Variants in IARS1 observed in about 807,000 individuals in gnomAD.
IARS1 encodes the protein isoleucyl-tRNA synthetase 1.
IARS1 carries 124 observed loss-of-function variants against 168.2 expected under a neutral mutation model. The ratio of observed to expected loss-of-function variants is 0.74; its 90% confidence interval spans 0.64 to 0.86. The LOEUF (loss-of-function observed/expected upper bound fraction) is 0.86, where lower values mean the gene tolerates loss of function less well. Among genes scored for constraint, IARS1 ranks in the 40% least tolerant of loss-of-function variants. The pLI, the probability that IARS1 is intolerant of heterozygous loss-of-function variation, is 0.00. For missense variants in IARS1, 1,452 were observed against 1,515.8 expected, an observed-to-expected ratio of 0.96 and a Z score of 0.70; for synonymous variants, 532 against 529.4, an observed-to-expected ratio of 1.00 and a Z score of -0.07.
chr9:92,214,778 C>T (rs1443725660), intron 33 of IARS1, among the ~76,000 whole-genome samples: 4 of 152,274 alleles, frequency 2.6e-5, no homozygotes, highest in East Asian at 1.9e-4. Flanking sequence ...CCTACGCCCA[C>T]GGAGTCTCGC....
Position 92,250,203 on chromosome 9 carries a change from T to C in IARS1, c.2516A>G (p.Lys839Arg). The C allele has an allele frequency of 6.2e-7, 1 of 1,607,114 alleles. No homozygotes were observed. Among genetic ancestry groups the C allele is most frequent in the Non-Finnish European group, 8.5e-7 (1 of 1,173,620 alleles). The change falls in exon 24 of 34, where the codon AAA becomes AGA. Residue 839 changes from lysine (K) to arginine (R), a missense_variant. By Grantham distance (26) the Lys-to-Arg change is conservative. Coordinates refer to ENST00000443024, the MANE Select transcript of IARS1 (RefSeq NM_002161.6). ...IELGRVIRDRKTIPIKYPLKE... is the reference protein window; with the variant it reads ...IELGRVIRDRRTIPIKYPLKE... ...ATTTCAAACCTTTATGGGAATAGTT[T>C]TTCGGTCTCTGATCACTCTTCCAAG...
chr9:92,268,213 G>A lies in IARS1; in HGVS notation c.1392C>T (p.Gly464=). The A allele has an allele frequency of 2.5e-6, 4 of 1,610,554 alleles. No individual in the cohort carries two copies. Among genetic ancestry groups the A allele is most frequent in the Non-Finnish European group, 3.4e-6 (4 of 1,179,108 alleles). The change falls in exon 14 of 34, where the codon GGC becomes GGT. Residue 464 remains glycine, a synonymous_variant. Coordinates refer to ENST00000443024, the MANE Select transcript of IARS1 (RefSeq NM_002161.6). ...CGCTGACCCACAGTGGGATGGGGGT[G>A]CCCCAGTATCTGTTTCTGGAAATTG... is the stretch of plus-strand genomic sequence containing the variant. ...DWTISRNRYW[G]TPIPLWVSDD...
intron 30 of IARS1, among the ~76,000 whole-genome samples, chr9:92,229,987 C>T (rs984841172): frequency 1.3e-5 from 2 of 150,540 alleles, no homozygotes; most frequent in African/African-American, 2.4e-5. Context: ...CAGGCCCATT[C>T]CCTCCTTAAT....
chr9:92,244,719 C>T (rs1275315827), intron 27 of IARS1, among the ~76,000 whole-genome samples: 1 of 152,176 alleles, frequency 6.6e-6, no homozygotes, highest in Non-Finnish European at 1.5e-5. Context: ...CAACCCCACA[C>T]TTGGGACAAT....
chr9:92,253,750 C>A, intron 20 of IARS1: 1 of 513,698 alleles, frequency 1.9e-6, no homozygotes, highest in East Asian at 5.0e-5. Flanking sequence ...AAGTCCAAGA[C>A]TGCCCACTAC....
intron 31 of IARS1, among the ~76,000 whole-genome samples, chr9:92,228,072 G>A (rs1390950369): frequency 3.9e-5 from 6 of 152,166 alleles, no homozygotes; most frequent in African/African-American, 1.2e-4. Context: ...ACGAGACTCC[G>A]TCTGCAATCC....
At chr9:92,239,859 GT>G (rs1421206921) in intron 30 of IARS1, among the ~76,000 whole-genome samples, 1 of 152,122 alleles carries the variant, frequency 6.6e-6, no homozygotes, top group East Asian at 1.9e-4. Context: ...TGGGGCCATA[GT>G]TTTTTCTATG....
At chr9:92,223,260 G>T in intron 32 of IARS1, 86 bp downstream of exon 32, 1 of 1,278,398 alleles carries the variant, frequency 7.8e-7, no homozygotes, top group South Asian at 1.9e-5. Context: ...CTTTGAAGCC[G>T]ACTAGAAATA....
intron 30 of IARS1, among the ~76,000 whole-genome samples, chr9:92,237,840 T>A (rs1200070713): frequency 6.6e-6 from 1 of 152,202 alleles, no homozygotes; most frequent in African/African-American, 2.4e-5. Context: ...ATCATTATAT[T>A]AGAAGTTTGT....
At chr9:92,223,642 C>T (rs1825168447) in intron 31 of IARS1, among the ~76,000 whole-genome samples, 153 bp from the exon 32 acceptor site, 1 of 152,210 alleles carries the variant, frequency 6.6e-6, no homozygotes, top group Admixed American at 6.5e-5. Context: ...TTCTATAAAA[C>T]CAGCCTTTAA....
Position 92,278,246 on chromosome 9 carries a change from T to C in IARS1, c.786A>G (p.Arg262=), listed in dbSNP as rs772831647. Residue 262 remains arginine (R), a synonymous_variant, in exon 8 of 34, where the codon AGA becomes AGG. Coordinates refer to ENST00000443024, the MANE Select transcript of IARS1 (RefSeq NM_002161.6). ...TCTCCAATTTATAGAGGGCTGACAA[T>C]CTGGCTTCCATTAAAATGAGTAATC... The part of the protein sequence containing the change: ...RGRLLILMEA[R]LSALYKLESD... The C allele has an allele frequency of 5.0e-6, 8 of 1,612,894 alleles. No homozygotes were observed. In the East Asian group the frequency reaches 1.8e-4, roughly 36 times the overall value.
intron 20 of IARS1, among the ~76,000 whole-genome samples, chr9:92,255,204 C>G (rs1220847411): frequency 6.6e-6 from 1 of 152,194 alleles, no homozygotes; most frequent in African/African-American, 2.4e-5. Flanking sequence ...GTGGACAAAT[C>G]CTGTAGCAGT....
intron 20 of IARS1, 62 bp downstream of exon 20, chr9:92,256,618 A>G: frequency 2.0e-6 from 3 of 1,471,128 alleles, no homozygotes; most frequent in South Asian, 1.3e-5. Context: ...ATTAAATATC[A>G]AAAGGGCAGT....
rs764040984 is a variant in IARS1 at position 92,240,839 on chromosome 9, A to C, written c.3283+17T>G. On this transcript the variant is annotated intron_variant, in intron 30 of 33. Coordinates refer to ENST00000443024, the MANE Select transcript of IARS1 (RefSeq NM_002161.6). ...TAACTAAAAAAAAGTCACACAAATC[A>C]TGGAATTTACTCTTACCTTGTTCAC... 6.6e-7 allele frequency: 1 copy of C among 1,514,316 alleles called. No homozygotes were observed. Among genetic ancestry groups the C allele is most frequent in the African/African-American group, 1.4e-5 (1 of 72,868 alleles). 93.8% of individuals were successfully genotyped at this position (1,514,316 alleles called of 1,614,324 possible). A position where few individuals can be genotyped will look rare whatever the true frequency, so the allele number is the denominator to read the frequency against.
intron 9 of IARS1, among the ~76,000 whole-genome samples, chr9:92,277,341 C>T (rs1415007281): frequency 6.6e-6 from 1 of 152,064 alleles, no homozygotes; most frequent in Non-Finnish European, 1.5e-5. Context: ...AGGAGAATTG[C>T]TTGAACCTGG....
chr9:92,287,676 C>T (rs1835663704), intron 4 of IARS1, 115 bp downstream of exon 4: 2 of 1,183,650 alleles, frequency 1.7e-6, no homozygotes, highest in Non-Finnish European at 2.3e-6. Flanking sequence ...TGGAAGCTAA[C>T]ACTTTTTCTA....
intron 30 of IARS1, among the ~76,000 whole-genome samples, chr9:92,235,223 C>T (rs550957669): frequency 1.6e-4 from 24 of 152,274 alleles, no homozygotes; most frequent in Non-Finnish European, 3.1e-4. Flanking sequence ...TTTATTTCCT[C>T]GTCATGCCGT....
In IARS1 at chr9:92,262,995, T is replaced by C. The variant is rs570430251; in HGVS notation, c.1761A>G (p.Val587=). 6.2e-6 allele frequency: 10 copies of C among 1,613,986 alleles called. No individual in the cohort carries two copies. In the South Asian group the frequency reaches 8.8e-5, roughly 14 times the overall value. ...ALFGQPPFKN[V]IVNGLVLASD... is the part of the protein sequence containing the mutation. The stretch of plus-strand genomic sequence containing the variant: ...TTGCCAGGACAAGCCCATTCACAAT[T>C]ACGTTCTTGAAAGGCGGTTGTCCAA... Residue 587 remains valine (V), a synonymous_variant, in exon 17 of 34, where the codon GTA becomes GTG. Transcript: ENST00000443024.
intron 12 of IARS1, among the ~76,000 whole-genome samples, chr9:92,270,728 G>A (rs954905541): frequency 3.3e-5 from 5 of 152,122 alleles, no homozygotes; most frequent in East Asian, 1.9e-4. Flanking sequence ...CCGGGGAGGT[G>A]GAGGGTGCAG....
Sources: gnomAD v4.1 joint callset for allele counts (sites outside exome capture counted in the v4.1 genomes callset) on GRCh38, gnomAD v4.1.1 for gene constraint, MANE v1.5 for transcripts, NCBI Gene and HGNC (gene_info 2026-07-23, HGNC 2026-07-21) for gene names.